Variants in CTNNA2 observed in about 807,000 individuals in gnomAD.
CTNNA2 encodes catenin alpha 2.
Under a neutral mutation model 101.0 loss-of-function variants are expected in CTNNA2, and 42 were observed. The observed-to-expected ratio is 0.42, with a 90% CI of 0.32 to 0.54. The LOEUF (loss-of-function observed/expected upper bound fraction) is 0.54. CTNNA2 is among the 20% of genes least tolerant of loss of function. CTNNA2 has a pLI of 0.14. For synonymous variants in CTNNA2, 450 were observed against 456.4 expected, an observed-to-expected ratio of 0.99 and a Z score of 0.18; for missense variants, 871 against 1,223.1, an observed-to-expected ratio of 0.71 and a Z score of 4.29.
At chr2:80,241,319 A>G (rs971512) in intron 7 of CTNNA2, among the ~76,000 whole-genome samples, 18,197 of 151,746 alleles carry the variant, frequency 0.12, 2,579 homozygotes, top group African/African-American at 0.34. Context: ...AAACTTCATC[A>G]AACAATTTTG....
intron 7 of CTNNA2, among the ~76,000 whole-genome samples, chr2:79,917,282 A>G (rs770110124): frequency 6.6e-5 from 10 of 151,894 alleles, no homozygotes; most frequent in Middle Eastern, 3.4e-3. Flanking sequence ...GTTGGCCAGG[A>G]TGGTCTTGAT....
intron 3 of CTNNA2, 57 bp downstream of exon 3, chr2:79,744,639 C>T: frequency 6.9e-7 from 1 of 1,457,984 alleles, no homozygotes; most frequent in Non-Finnish European, 9.2e-7. Context: ...CAAACAATGG[C>T]TTTTTCTTTA....
chr2:79,745,543 C>A (rs905031433), intron 3 of CTNNA2, among the ~76,000 whole-genome samples: 2 of 152,144 alleles, frequency 1.3e-5, no homozygotes, highest in African/African-American at 4.8e-5. Context: ...ATAACTGTTT[C>A]ATCTTGCAAA....
Position 80,043,152 on chromosome 2 carries a change from TCC to T in CTNNA2, c.1056+133356_1056+133357del, listed in dbSNP as rs1166245412. On this transcript the variant is annotated intron_variant, in intron 7 of 18. Transcript: ENST00000402739. ...TTCCTTCCTTCCTTCCTTCCTTCCT[TCC>T]TTCCTTCCTTCCTTCCTTCCTTCCT... Among the ~76,000 whole-genome samples, 376 of 74,332 alleles carry T rather than the reference TCC, an allele frequency of 5.1e-3. 11 individuals are homozygous for T. The highest frequency in any genetic ancestry group is 0.02 in the African/African-American group (359 of 18,142). 48.8% of individuals were successfully genotyped at this position (74,332 alleles called of 152,430 possible).
At chr2:79,536,254 A>AT (rs1051974323) in intron 1 of CTNNA2, among the ~76,000 whole-genome samples, 1 of 152,194 alleles carries the variant, frequency 6.6e-6, no homozygotes, top group Non-Finnish European at 1.5e-5. Context: ...ATGAGGTGAA[A>AT]GCATGATCGC....
intron 12 of CTNNA2, chr2:80,572,702 TTTTA>T (rs1426258367): frequency 6.6e-6 from 1 of 152,136 alleles, no homozygotes; most frequent in African/African-American, 2.4e-5. Flanking sequence ...AGAAATATAG[TTTTA>T]TTTGATTCAT....
chr2:79,764,165 A>T (rs1294695890), intron 3 of CTNNA2, among the ~76,000 whole-genome samples: 1 of 152,226 alleles, frequency 6.6e-6, no homozygotes, highest in African/African-American at 2.4e-5. Context: ...AGTGTTAAAA[A>T]TTGGAGCAGA....
chr2:80,169,021 G>A (rs1704877059), intron 7 of CTNNA2, among the ~76,000 whole-genome samples: 1 of 152,216 alleles, frequency 6.6e-6, no homozygotes, highest in Non-Finnish European at 1.5e-5. Context: ...TCTGCTCCGT[G>A]AGATAAGGAA....
intron 2 of CTNNA2, among the ~76,000 whole-genome samples, chr2:79,214,677 G>A (rs1034040393): frequency 2.0e-5 from 3 of 152,044 alleles, no homozygotes; most frequent in South Asian, 2.1e-4. Flanking sequence ...GGGGGGATAC[G>A]AGAGGAAGAC....
intron 2 of CTNNA2, among the ~76,000 whole-genome samples, chr2:79,243,003 C>CACACACACACACACACAT (rs1674650971): frequency 1.5e-5 from 2 of 134,326 alleles, no homozygotes; most frequent in African/African-American, 5.5e-5. Context: ...TACACACACA[C>CACACACACACACACACAT]ACACACACAC....
intron 1 of CTNNA2, among the ~76,000 whole-genome samples, chr2:79,595,764 T>C (rs1467420997): frequency 6.6e-6 from 1 of 152,078 alleles, no homozygotes; most frequent in East Asian, 1.9e-4. Context: ...TGTCACCTAC[T>C]ACTTAATCTA....
chr2:80,202,330 C>G (rs1171871938), intron 7 of CTNNA2, among the ~76,000 whole-genome samples: 1 of 152,164 alleles, frequency 6.6e-6, no homozygotes, highest in Non-Finnish European at 1.5e-5. Context: ...AAAGGAGAGG[C>G]CGACACATAA....
chr2:80,554,550 C>A (rs967781897), intron 11 of CTNNA2, among the ~76,000 whole-genome samples: 3 of 152,052 alleles, frequency 2.0e-5, no homozygotes. Context: ...CTCACTGGAA[C>A]CTTGATAGGA....
intron 1 of CTNNA2, among the ~76,000 whole-genome samples, chr2:79,536,140 A>C (rs1260248369): frequency 2.0e-5 from 3 of 152,196 alleles, no homozygotes; most frequent in African/African-American, 7.2e-5. Flanking sequence ...GAAGTTACCA[A>C]AAAGTCAGAG....
At chr2:80,568,694 A>G (rs915694789) in intron 12 of CTNNA2, among the ~76,000 whole-genome samples, 11 of 152,156 alleles carry the variant, frequency 7.2e-5, no homozygotes, top group East Asian at 3.9e-4. Flanking sequence ...TTAGTTCTAC[A>G]CTGGAGATTG....
chr2:79,904,202 A>G (rs1304565442), intron 6 of CTNNA2, among the ~76,000 whole-genome samples: 1 of 152,122 alleles, frequency 6.6e-6, no homozygotes, highest in Non-Finnish European at 1.5e-5. Flanking sequence ...TCATTCAGTC[A>G]TTCCATAACA....
intron 7 of CTNNA2, among the ~76,000 whole-genome samples, chr2:80,018,548 G>A (rs949524189): frequency 1.3e-5 from 2 of 152,038 alleles, no homozygotes; most frequent in Non-Finnish European, 2.9e-5. Flanking sequence ...AGGCCGAGGC[G>A]GGCAGATCAC....
rs1304360048 is a variant in CTNNA2 at position 79,826,041 on chromosome 2, TA to T, written c.299-31971del. ...GGTCTCATAGACTCACTTTTGTAAA[TA>T]CGAAAAGAAGTACCTTACAAAATAT... On this transcript the variant is annotated intron_variant, in intron 3 of 18. Coordinates refer to ENST00000402739, the MANE Select transcript of CTNNA2 (RefSeq NM_001282597.3). 2.0e-5 allele frequency among the ~76,000 whole-genome samples: 3 copies of T among 152,158 alleles called. No individual in the cohort carries two copies. In the East Asian group the frequency reaches 5.8e-4, roughly 29 times the overall value.
At chr2:79,882,072 T>C (rs2104124605) in intron 6 of CTNNA2, among the ~76,000 whole-genome samples, 1 of 152,092 alleles carries the variant, frequency 6.6e-6, no homozygotes, top group South Asian at 2.1e-4. Context: ...TGAAGCTTAG[T>C]TTGGCTGGAT....
Sources: gnomAD v4.1 joint callset for allele counts (sites outside exome capture counted in the v4.1 genomes callset) on GRCh38, gnomAD v4.1.1 for gene constraint, MANE v1.5 for transcripts, NCBI Gene and HGNC (gene_info 2026-07-23, HGNC 2026-07-21) for gene names.